CLASP1: variants seen among roughly 807,000 people sequenced by gnomAD.
CLASP1 encodes CLIP-associating protein 1.
Under a neutral mutation model 192.3 loss-of-function variants are expected in CLASP1, and 38 were observed. That is an observed-to-expected ratio of 0.20 (90% CI 0.15 to 0.26). The LOEUF (loss-of-function observed/expected upper bound fraction) is 0.26, where lower values mean the gene tolerates loss of function less well. Among genes scored for constraint, CLASP1 ranks in the 10% least tolerant of loss-of-function variants. The pLI is 1.00. For missense variants in CLASP1, 1,433 were observed against 1,932.5 expected (o/e 0.74, Z 4.85); for synonymous variants, 691 against 712.8 (o/e 0.97, Z 0.49).
intron 1 of CLASP1, among the ~76,000 whole-genome samples, chr2:121,610,347 GCTGGAGGAGGAGGAA>G (rs2065087868): frequency 6.8e-6 from 1 of 146,608 alleles, no homozygotes; most frequent in Non-Finnish European, 1.5e-5. Flanking sequence ...AGGAAGAGGA[GCTGGAGGAGGAGGAA>G]GAGTTACAGG....
At chr2:121,642,315 A>G (rs373644608) in intron 1 of CLASP1, among the ~76,000 whole-genome samples, 110 of 148,828 alleles carry the variant, frequency 7.4e-4, no homozygotes, top group African/African-American at 2.6e-3. Flanking sequence ...GCTACTCAGG[A>G]GGCTGAGGTG....
At position 121,559,735 on chromosome 2, in the gene CLASP1, T is replaced by C. The variant is rs2058910931; in HGVS notation, c.196-29410A>G. ...TGCTGATGGGTATAGAGTTCCCTTTTAATACAATGAAAATCTTCAAACACT... is the reference window on the plus strand; with the variant it reads ...TGCTGATGGGTATAGAGTTCCCTTTCAATACAATGAAAATCTTCAAACACT... On this transcript the variant is annotated intron_variant, in intron 2 of 39. Transcript: ENST00000263710. 2.0e-5 allele frequency among the ~76,000 whole-genome samples: 3 copies of C among 152,184 alleles called. No homozygotes were observed. The South Asian group carries it at 6.2e-4, about 31-fold the overall frequency.
At chr2:121,493,507 A>G (rs1368398388) in intron 8 of CLASP1, among the ~76,000 whole-genome samples, 2 of 152,238 alleles carry the variant, frequency 1.3e-5, no homozygotes, top group African/African-American at 4.8e-5. Context: ...AAAATGAATT[A>G]AAGAGTTAAA....
chr2:121,575,143 C>CGAG, intron 2 of CLASP1, among the ~76,000 whole-genome samples: 1 of 151,902 alleles, frequency 6.6e-6, no homozygotes, highest in South Asian at 2.1e-4. Context: ...GACAAGTCTC[C>CGAG]CTCTGTCTCC....
intron 8 of CLASP1, among the ~76,000 whole-genome samples, chr2:121,478,630 TACACAC>T (rs748910680): frequency 6.2e-5 from 2 of 32,492 alleles, no homozygotes; most frequent in East Asian, 9.9e-4. Flanking sequence ...CACACACACA[TACACAC>T]ACACACACCC....
chr2:121,607,850 C>A (rs752928129), intron 1 of CLASP1, among the ~76,000 whole-genome samples: 4 of 152,128 alleles, frequency 2.6e-5, no homozygotes, highest in Non-Finnish European at 5.9e-5. Flanking sequence ...CTAATCTCAA[C>A]GTAAAAACAT....
chr2:121,481,761 C>T, intron 8 of CLASP1, among the ~76,000 whole-genome samples: 1 of 152,176 alleles, frequency 6.6e-6, no homozygotes, highest in East Asian at 1.9e-4. Context: ...AGGATACCGC[C>T]TCTGAATACC....
chr2:121,367,822 C>T (rs368892378), exon 35 of CLASP1: 283 of 1,613,088 alleles, frequency 1.8e-4, no homozygotes, highest in Non-Finnish European at 2.3e-4. Context: ...GCGCCCCCAT[C>T]GCGGGACACC....
chr2:121,407,076 C>G (rs975311295), intron 25 of CLASP1, among the ~76,000 whole-genome samples: 1 of 151,962 alleles, frequency 6.6e-6, no homozygotes, highest in East Asian at 1.9e-4. Context: ...ATTAGCCAGG[C>G]GTGGTGGTGT....
chr2:121,457,785 C>T (rs1407166630), intron 13 of CLASP1, 28 bp from the exon 14 acceptor site: 3 of 1,543,734 alleles, frequency 1.9e-6, no homozygotes, highest in East Asian at 2.2e-5. Context: ...AAACAGAGGT[C>T]AACACTTGCA....
chr2:121,577,950 T>A (rs547960936), intron 2 of CLASP1, among the ~76,000 whole-genome samples: 2 of 152,154 alleles, frequency 1.3e-5, no homozygotes, highest in South Asian at 4.1e-4. Context: ...ATTGACTGAT[T>A]GAGAAAGAGT....
chr2:121,469,736 C>A, intron 9 of CLASP1, 72 bp downstream of exon 9: 3 of 1,462,764 alleles, frequency 2.1e-6, no homozygotes, highest in South Asian at 1.5e-5. Context: ...CCACCACAGG[C>A]AAGTACGTGC....
At chr2:121,509,694 C>T (rs551294548) in intron 7 of CLASP1, among the ~76,000 whole-genome samples, 8 of 152,098 alleles carry the variant, frequency 5.3e-5, no homozygotes, top group Admixed American at 3.3e-4. Flanking sequence ...AAAAATTAGC[C>T]GGGTGTGGTG....
chr2:121,372,315 G>A (rs749474355), intron 34 of CLASP1, among the ~76,000 whole-genome samples: 2 of 152,112 alleles, frequency 1.3e-5, no homozygotes, highest in African/African-American at 4.8e-5. Context: ...CCTCCTGTCA[G>A]CTCTAGCTTC....
chr2:121,375,842 T>C (rs898894823), intron 34 of CLASP1, among the ~76,000 whole-genome samples: 22 of 152,182 alleles, frequency 1.4e-4, no homozygotes, highest in Admixed American at 6.5e-4. Flanking sequence ...GGTGTCTGGT[T>C]CAGGCTCACT....
exon 17 of CLASP1, chr2:121,449,108 A>C: frequency 6.2e-7 from 1 of 1,613,664 alleles, no homozygotes; most frequent in Non-Finnish European, 8.5e-7. Context: ...GACTGTGGAA[A>C]CCCCAGTAAC....
intron 39 of CLASP1, among the ~76,000 whole-genome samples, chr2:121,345,207 G>A (rs2063304527): frequency 6.6e-6 from 1 of 152,138 alleles, no homozygotes. Context: ...GCAGAAAGAT[G>A]TGAAGGCCAG....
chr2:121,413,037 C>T (rs890899390), intron 23 of CLASP1, among the ~76,000 whole-genome samples: 5 of 152,102 alleles, frequency 3.3e-5, no homozygotes, highest in African/African-American at 9.7e-5. Flanking sequence ...GTGGGTAAAT[C>T]GCTTGAGCCC....
rs945547789 is a variant in CLASP1 at position 121,469,977 on chromosome 2, G to A, written c.713-17C>T. The A allele has an allele frequency of 6.3e-7, 1 of 1,590,360 alleles. No homozygotes were observed. ...AATTTTTATCTGAACAGTAAGCACAGAAACCAACGTTTTTTTAAAAACAAA... is the reference window on the plus strand; with the variant it reads ...AATTTTTATCTGAACAGTAAGCACAAAAACCAACGTTTTTTTAAAAACAAA... On this transcript the variant is annotated splice_polypyrimidine_tract_variant and intron_variant, in intron 8 of 39. Coordinates refer to ENST00000263710, the Ensembl canonical transcript of CLASP1.
Sources: allele counts gnomAD v4.1 joint callset (sites outside exome capture counted in the v4.1 genomes callset), GRCh38; gene constraint gnomAD v4.1.1; transcripts MANE v1.5; gene names NCBI Gene and HGNC (gene_info 2026-07-23, HGNC 2026-07-21).